ITGA8: variants seen among roughly 807,000 people sequenced by gnomAD.
ITGA8 encodes integrin alpha-8.
A neutral mutation model predicts 142.3 loss-of-function variants in ITGA8; 91 were observed. The observed-to-expected ratio is 0.64, with a 90% confidence interval of 0.54 to 0.76. ITGA8 has a LOEUF of 0.76. Among genes scored for constraint, ITGA8 ranks in the 30% least tolerant of loss-of-function variants. ITGA8 has a pLI of 0.00. For synonymous variants in ITGA8, 505 were observed against 485.2 expected, an observed-to-expected ratio of 1.04 and a Z score of -0.54; for missense variants, 1,406 against 1,327.7, an observed-to-expected ratio of 1.06 and a Z score of -0.92.
In ITGA8 at chr10:15,696,280, C is replaced by T. The variant is rs569939184; in HGVS notation, c.344-8242G>A. On this transcript the variant is annotated intron_variant, in intron 2 of 29. Coordinates refer to ENST00000378076, the MANE Select transcript of ITGA8 (RefSeq NM_003638.3). ...AAGCAAAGGCAAAAGCTCAGAAAAG[C>T]TTTTATAGTGACTGCATACAATGTC... Among the ~76,000 whole-genome samples, 217 of 152,232 alleles carry T rather than the reference C, an allele frequency of 1.4e-3. 1 individual carries two copies. Among genetic ancestry groups the T allele is most frequent in the African/African-American group, 5.1e-3 (210 of 41,542 alleles).
intron 27 of ITGA8, among the ~76,000 whole-genome samples, chr10:15,537,383 G>A (rs1833466604): frequency 6.6e-6 from 1 of 152,204 alleles, no homozygotes; most frequent in Admixed American, 6.5e-5. Flanking sequence ...ATGTGGGTGA[G>A]CACACAGCGA....
rs189906436 is a variant in ITGA8 at position 15,698,122 on chromosome 10, A to G, written c.344-10084T>C. On this transcript the variant is annotated intron_variant, in intron 2 of 29. Coordinates refer to ENST00000378076, the MANE Select transcript of ITGA8 (RefSeq NM_003638.3). Reference sequence around the variant, plus strand: ...GTCATTCTTATGCCTTTGCATCCTCATAGCTTAGCTCCCACTTATCAGTGA... The same window carrying G: ...GTCATTCTTATGCCTTTGCATCCTCGTAGCTTAGCTCCCACTTATCAGTGA... Among the ~76,000 whole-genome samples, 624 of 152,200 alleles carry G rather than the reference A, an allele frequency of 4.1e-3. 5 individuals carry two copies. Among genetic ancestry groups the G allele is most frequent in the South Asian group, 5.6e-3 (27 of 4,820 alleles).
chr10:15,610,753 T>A (rs1220719702), intron 15 of ITGA8, among the ~76,000 whole-genome samples: 3 of 152,188 alleles, frequency 2.0e-5, no homozygotes, highest in African/African-American at 7.2e-5. Context: ...TCATTTTACA[T>A]TCTCATCAGT....
At chr10:15,547,259 G>A (rs532564556) in intron 27 of ITGA8, among the ~76,000 whole-genome samples, 12 of 152,256 alleles carry the variant, frequency 7.9e-5, no homozygotes, top group African/African-American at 2.4e-4. Flanking sequence ...TAGCATAAAA[G>A]AGATTTTAAA....
intron 23 of ITGA8, among the ~76,000 whole-genome samples, chr10:15,583,604 G>A (rs894171119): frequency 6.6e-6 from 1 of 152,136 alleles, no homozygotes; most frequent in Non-Finnish European, 1.5e-5. Context: ...GGTGGAAGAA[G>A]CCAGCACCAT....
chr10:15,577,751 A>T lies in ITGA8; in HGVS notation c.2373-2157T>A, dbSNP rs371646693. On this transcript the variant is annotated intron_variant, in intron 23 of 29. Coordinates refer to ENST00000378076, the MANE Select transcript of ITGA8 (RefSeq NM_003638.3). Reference sequence around the variant, plus strand: ...AAGGAAGAAATCAAGCAAGCAACACAGAATATATTGAACTAATTTGCCTAG... The same window carrying T: ...AAGGAAGAAATCAAGCAAGCAACACTGAATATATTGAACTAATTTGCCTAG... 3.9e-5 allele frequency among the ~76,000 whole-genome samples: 6 copies of T among 152,148 alleles called. No homozygotes were observed. In the East Asian group the frequency reaches 5.8e-4, roughly 15 times the overall value.
intron 24 of ITGA8, among the ~76,000 whole-genome samples, chr10:15,574,515 C>G (rs1038364638): frequency 6.6e-6 from 1 of 151,978 alleles, no homozygotes; most frequent in Non-Finnish European, 1.5e-5. Flanking sequence ...CTCAGCCTTT[C>G]GAGTAGCTGG....
chr10:15,571,893 C>T (rs1402624069), intron 25 of ITGA8, among the ~76,000 whole-genome samples: 3 of 152,142 alleles, frequency 2.0e-5, no homozygotes, highest in Non-Finnish European at 2.9e-5. Context: ...TACTAATTCT[C>T]CCAGATGTGA....
chr10:15,636,552 C>T (rs1300779579), intron 13 of ITGA8, among the ~76,000 whole-genome samples: 1 of 152,096 alleles, frequency 6.6e-6, no homozygotes, highest in East Asian at 1.9e-4. Flanking sequence ...TAACAAAATC[C>T]CCCAATCTGT....
chr10:15,677,649 A>C lies in ITGA8; in HGVS notation c.631-12T>G, dbSNP rs751833131. The stretch of plus-strand genomic sequence containing the variant: ...ATAAGGTCTCCATTCTACAAAACAG[A>C]AACAGCAACAGCAACCATAATTGGA... On this transcript the variant is annotated splice_polypyrimidine_tract_variant and intron_variant, in intron 5 of 29. Coordinates refer to ENST00000378076, the MANE Select transcript of ITGA8 (RefSeq NM_003638.3). The C allele has an allele frequency of 2.5e-6, 4 of 1,610,966 alleles. No individual in the cohort carries two copies. Among genetic ancestry groups the C allele is most frequent in the Non-Finnish European group, 3.4e-6 (4 of 1,178,288 alleles).
intron 3 of ITGA8, among the ~76,000 whole-genome samples, chr10:15,687,445 G>T (rs1191677957): frequency 2.0e-5 from 3 of 152,108 alleles, no homozygotes; most frequent in Admixed American, 2.0e-4. Flanking sequence ...ATCTATTTGA[G>T]AATGAGTGTT....
intron 20 of ITGA8, among the ~76,000 whole-genome samples, chr10:15,598,390 A>C (rs1219675235): frequency 6.6e-6 from 1 of 152,154 alleles, no homozygotes; most frequent in Non-Finnish European, 1.5e-5. Context: ...TTTAGGTAAG[A>C]GAATAATATA....
chr10:15,690,823 C>G (rs182248442), intron 2 of ITGA8, among the ~76,000 whole-genome samples: 120 of 152,206 alleles, frequency 7.9e-4, no homozygotes, highest in Admixed American at 1.7e-3. Flanking sequence ...CTACTGCACC[C>G]ACCTAGAACC....
At chr10:15,607,597 CATG>C (rs946486375) in intron 17 of ITGA8, 77 bp downstream of exon 17, 3 of 1,374,156 alleles carry the variant, frequency 2.2e-6, no homozygotes, top group Admixed American at 1.7e-5. Flanking sequence ...TGCAGACAAA[CATG>C]ATGGTTAAAT....
intron 9 of ITGA8, 114 bp from the exon 10 acceptor site, chr10:15,659,169 C>T: frequency 1.7e-6 from 1 of 603,064 alleles, no homozygotes. Flanking sequence ...AAATGGTTAG[C>T]TAAATGTAAA....
intron 8 of ITGA8, among the ~76,000 whole-genome samples, chr10:15,662,018 A>G (rs1239031223): frequency 2.0e-5 from 3 of 152,324 alleles, no homozygotes; most frequent in East Asian, 3.9e-4. Flanking sequence ...GGATTGGGCC[A>G]TTTGAGAAAC....
At chr10:15,552,432 CCTGT>C (rs1354895418) in intron 26 of ITGA8, among the ~76,000 whole-genome samples, 1 of 152,184 alleles carries the variant, frequency 6.6e-6, no homozygotes, top group Non-Finnish European at 1.5e-5. Flanking sequence ...GACACTACAC[CCTGT>C]CTAACTTTGA....
chr10:15,718,827 A>G lies in ITGA8; in HGVS notation c.282T>C (p.Tyr94=). The change falls in exon 2 of 30, where the codon TAT becomes TAC. Residue 94 remains tyrosine, a synonymous_variant. Coordinates refer to ENST00000378076, the MANE Select transcript of ITGA8 (RefSeq NM_003638.3). The part of the protein sequence containing the change: ...QPDIVEGGAV[Y]YCPWPAEGSA... ...ACCCCTCCGCGGGCCAAGGACAGTA[A>G]TAGACGGCTCCCCCTTCCACGATAT... is the stretch of plus-strand genomic sequence containing the variant. 1 of 1,614,152 alleles carries G rather than the reference A, an allele frequency of 6.2e-7. No homozygotes were observed. Among genetic ancestry groups the G allele is most frequent in the Non-Finnish European group, 8.5e-7 (1 of 1,180,040 alleles).
chr10:15,663,895 TA>T (rs1031157906), intron 8 of ITGA8, among the ~76,000 whole-genome samples: 1 of 151,926 alleles, frequency 6.6e-6, no homozygotes, highest in African/African-American at 2.4e-5. Context: ...AATGCCACAT[TA>T]AAAAAAATAA....
Sources: allele counts gnomAD v4.1 joint callset (sites outside exome capture counted in the v4.1 genomes callset), GRCh38; gene constraint gnomAD v4.1.1; transcripts MANE v1.5; gene names NCBI Gene and HGNC (gene_info 2026-07-23, HGNC 2026-07-21).